Variants in MED12L observed in about 807,000 individuals in gnomAD.
MED12L encodes mediator complex subunit 12L.
A neutral mutation model predicts 281.3 loss-of-function variants in MED12L; 60 were observed. The observed-to-expected ratio is 0.21, with a 90% confidence interval of 0.17 to 0.26. The LOEUF (loss-of-function observed/expected upper bound fraction) is 0.26, where lower values mean the gene tolerates loss of function less well. Ranked by LOEUF, MED12L falls within the 10% of genes least tolerant of loss-of-function variation. The pLI, the probability that MED12L is intolerant of heterozygous loss-of-function variation, is 1.00. For missense variants in MED12L, 2,146 were observed against 2,680.9 expected (o/e 0.80, Z 4.41); for synonymous variants, 974 against 987.2 (o/e 0.99, Z 0.25).
In MED12L at chr3:151,365,054, A is replaced by G. The variant is rs1560080819; in HGVS notation, c.3033A>G (p.Pro1011=). ...CAAATTCGAACTTGCGATGGGATCC[A>G]GACTTCATGATGGATTTTATTGAGA... The part of the protein sequence containing the change: ...MPANSNLRWD[P]DFMMDFIENP... Residue 1011 remains proline (P), a synonymous_variant, in exon 22 of 45, where the codon CCA becomes CCG. Transcript: ENST00000687756. 2 of 1,614,144 alleles carry G rather than the reference A, an allele frequency of 1.2e-6. No homozygotes were observed. Among genetic ancestry groups the G allele is most frequent in the Non-Finnish European group, 1.7e-6 (2 of 1,179,968 alleles).
At chr3:151,187,936 G>A (rs1723483571) in intron 12 of MED12L, among the ~76,000 whole-genome samples, 1 of 152,182 alleles carries the variant, frequency 6.6e-6, no homozygotes, top group South Asian at 2.1e-4. Flanking sequence ...TTTGCATAGG[G>A]ATAATGAATA....
chr3:151,242,366 A>G (rs1029153269), intron 16 of MED12L, among the ~76,000 whole-genome samples: 17 of 152,352 alleles, frequency 1.1e-4, no homozygotes, highest in African/African-American at 3.4e-4. Context: ...GCAGACTTAA[A>G]TGTCCCTGTC....
chr3:151,221,456 G>C (rs1729337404), intron 16 of MED12L, among the ~76,000 whole-genome samples: 1 of 152,220 alleles, frequency 6.6e-6, no homozygotes, highest in Non-Finnish European at 1.5e-5. Flanking sequence ...TCGCAGGCCT[G>C]GAGGCCTAGA....
rs1751175216 is a variant in MED12L, at chr3:151,337,535, A to G, written c.2251-12524A>G. Reference sequence around the variant, plus strand: ...TTATATGATTACTCATTTTGGCAAAACTCTGCAAAACATGAATTCTGTGTA... The same window carrying G: ...TTATATGATTACTCATTTTGGCAAAGCTCTGCAAAACATGAATTCTGTGTA... On this transcript the variant is annotated intron_variant, in intron 16 of 44. Coordinates refer to ENST00000687756, the MANE Select transcript of MED12L (RefSeq NM_001393769.1). 1.5e-5 allele frequency: 5 copies of G among 333,816 alleles called. 1 individual carries two copies. The highest frequency in any genetic ancestry group is 1.0e-4 in the South Asian group (2 of 19,568). The allele number at this position is 333,816 out of a possible 1,614,324, so 20.7% of individuals were successfully genotyped here.
chr3:151,335,584 C>A (rs1750873115), intron 16 of MED12L, among the ~76,000 whole-genome samples: 1 of 152,082 alleles, frequency 6.6e-6, no homozygotes, highest in South Asian at 2.1e-4. Flanking sequence ...CACATCTGGA[C>A]CTGAGTCTAC....
rs1178534637 is a variant in MED12L at position 151,360,474 on chromosome 3, G to T, written c.2826G>T (p.Gly942=). Residue 942 remains glycine, a splice_region_variant and synonymous_variant, in exon 21 of 45, where the codon GGG becomes GGT. Coordinates refer to ENST00000687756, the MANE Select transcript of MED12L (RefSeq NM_001393769.1). Reference sequence around the variant, plus strand: ...TTTCTTCGTATATTTTTCTCCTCAGGTTGTGTGGTGTGGTCAAGCATGTCG... The same window carrying T: ...TTTCTTCGTATATTTTTCTCCTCAGTTTGTGTGGTGTGGTCAAGCATGTCG... The part of the protein sequence containing the change: ...NPDQTAQVFE[G]LCGVVKHVVN... The T allele has an allele frequency of 6.2e-7, 1 of 1,611,366 alleles. No homozygotes were observed. The highest frequency in any genetic ancestry group is 8.5e-7 in the Non-Finnish European group (1 of 1,178,538).
chr3:151,422,561 T>C (rs970738130), intron 43 of MED12L, among the ~76,000 whole-genome samples: 1 of 152,186 alleles, frequency 6.6e-6, no homozygotes, highest in Non-Finnish European at 1.5e-5. Context: ...GCGTTTTCAC[T>C]TTTTATAAGG....
intron 26 of MED12L, 104 bp from the exon 27 acceptor site, chr3:151,372,463 T>C (rs987211401): frequency 1.3e-6 from 1 of 782,516 alleles, no homozygotes; most frequent in Non-Finnish European, 2.2e-6. Flanking sequence ...ATAATAATAC[T>C]GTTCATATAT....
At chr3:151,094,392 ACTTAG>A (rs1720454077) in intron 2 of MED12L, among the ~76,000 whole-genome samples, 1 of 152,178 alleles carries the variant, frequency 6.6e-6, no homozygotes, top group Non-Finnish European at 1.5e-5. Flanking sequence ...GGGGTGATTG[ACTTAG>A]CTTGGAGAAA....
In MED12L at chr3:151,430,291, C is replaced by T; in HGVS notation, c.6409-8C>T. 1 of 1,614,112 alleles carries T rather than the reference C, an allele frequency of 6.2e-7. No homozygotes were observed. The highest frequency in any genetic ancestry group is 8.5e-7 in the Non-Finnish European group (1 of 1,179,978). On this transcript the variant is annotated splice_region_variant and splice_polypyrimidine_tract_variant and intron_variant, in intron 43 of 44. Coordinates refer to ENST00000687756, the MANE Select transcript of MED12L (RefSeq NM_001393769.1). ...TGATTTCTGTCCTTTCTCCTGTCGC[C>T]ATTACAGTTTCCCAGGCAAGGCTTG...
At chr3:151,299,987 A>C in intron 16 of MED12L, 1 of 980,296 alleles carries the variant, frequency 1.0e-6, no homozygotes, top group South Asian at 1.3e-5. Context: ...CTGACCATTA[A>C]ACTCCCCAAA....
At chr3:151,294,769 C>T (rs1210177311) in intron 16 of MED12L, 2 of 1,614,102 alleles carry the variant, frequency 1.2e-6, no homozygotes, top group Non-Finnish European at 1.7e-6. Flanking sequence ...CAGATAAAAC[C>T]TTCGTGAAGG....
intron 16 of MED12L, among the ~76,000 whole-genome samples, chr3:151,252,825 A>G (rs778666920): frequency 3.9e-4 from 60 of 152,254 alleles, no homozygotes; most frequent in Middle Eastern, 3.4e-3. Flanking sequence ...CTTGAGTAAA[A>G]TGTGTGTATT....
intron 16 of MED12L, among the ~76,000 whole-genome samples, chr3:151,320,904 C>T (rs900526507): frequency 6.6e-6 from 1 of 152,184 alleles, no homozygotes; most frequent in African/African-American, 2.4e-5. Context: ...ATATCTTCTT[C>T]TGAAAATGAG....
intron 20 of MED12L, among the ~76,000 whole-genome samples, chr3:151,358,006 G>A (rs1464522878): frequency 6.6e-6 from 1 of 151,878 alleles, no homozygotes; most frequent in Non-Finnish European, 1.5e-5. Flanking sequence ...CACTCTCCAG[G>A]GCTTTTTATT....
intron 16 of MED12L, chr3:151,269,579 T>C: frequency 3.4e-6 from 1 of 290,412 alleles, no homozygotes; most frequent in South Asian, 3.7e-5. Flanking sequence ...ACAGCATTTG[T>C]CAGCCATCCA....
chr3:151,425,504 G>A (rs534489365), intron 43 of MED12L: 15 of 392,234 alleles, frequency 3.8e-5, no homozygotes, highest in South Asian at 2.8e-4. Context: ...AGGCTCAAGT[G>A]ATCTTTCCAC....
chr3:151,154,806 A>G (rs1719048020), intron 5 of MED12L, among the ~76,000 whole-genome samples: 1 of 152,254 alleles, frequency 6.6e-6, no homozygotes, highest in African/African-American at 2.4e-5. Context: ...ACAGAAGAAC[A>G]TGATGACATA....
At chr3:151,150,318 G>A (rs1416434517) in intron 5 of MED12L, among the ~76,000 whole-genome samples, 1 of 152,176 alleles carries the variant, frequency 6.6e-6, no homozygotes, top group African/African-American at 2.4e-5. Context: ...TGGGTGACCA[G>A]GTGCTTTGTC....
Sources: allele counts gnomAD v4.1 joint callset (sites outside exome capture counted in the v4.1 genomes callset), GRCh38; gene constraint gnomAD v4.1.1; transcripts MANE v1.5; gene names NCBI Gene and HGNC (gene_info 2026-07-23, HGNC 2026-07-21).